CRLF2: variants seen among roughly 807,000 people sequenced by gnomAD.
The protein encoded by CRLF2 is cytokine receptor-like factor 2.
CRLF2 carries 41 observed loss-of-function variants against 38.7 expected under a neutral mutation model. That is an observed-to-expected ratio of 1.06 (90% CI 0.83 to 1.37). The LOEUF (loss-of-function observed/expected upper bound fraction) is 1.37. Ranked by LOEUF, CRLF2 falls within the 40% of genes most tolerant of loss-of-function variation. The probability of loss-of-function intolerance (pLI) is 0.00; values close to 1 mark genes in which losing one functional copy is unlikely to be tolerated. For synonymous variants in CRLF2, 140 were observed against 128.8 expected, an observed-to-expected ratio of 1.09 and a Z score of -0.59; for missense variants, 377 against 322.2, an observed-to-expected ratio of 1.17 and a Z score of -1.30.
At chrX:1,209,294 T>TGTAGTGTAGTGTAGTGTAG (rs2086749077) in intron 1 of CRLF2, among the ~76,000 whole-genome samples, 17 of 142,402 alleles carry the variant, frequency 1.2e-4, no homozygotes, top group African/African-American at 4.2e-4. Context: ...TTGCATTGTA[T>TGTAGTGTAGTGTAGTGTAG]TGTAGTGTAG....
chrX:1,192,503 C>G (rs2086402299), intron 7 of CRLF2, among the ~76,000 whole-genome samples: 2 of 151,910 alleles, frequency 1.3e-5, no homozygotes, highest in African/African-American at 4.8e-5. Flanking sequence ...GTCATCCCAG[C>G]TACTCAGGAG....
At chrX:1,195,981 TA>T (rs2086467904) in intron 6 of CRLF2, among the ~76,000 whole-genome samples, 1 of 139,266 alleles carries the variant, frequency 7.2e-6, no homozygotes, top group East Asian at 2.0e-4. Flanking sequence ...ATATTATATA[TA>T]TTTTTATATA....
At chrX:1,192,001 C>G (rs1390639890) in intron 7 of CRLF2, among the ~76,000 whole-genome samples, 2 of 145,914 alleles carry the variant, frequency 1.4e-5, no homozygotes, top group South Asian at 2.4e-4. Context: ...GTGAGGAGAT[C>G]GAGACCATCC....
chrX:1,204,738 G>A (rs2086663657), intron 3 of CRLF2, among the ~76,000 whole-genome samples: 1 of 151,152 alleles, frequency 6.6e-6, no homozygotes, highest in Non-Finnish European at 1.5e-5. Context: ...CGTTGGCAAG[G>A]CTGGTCTCGA....
At chrX:1,207,402 C>A (rs1254823518) in intron 2 of CRLF2, among the ~76,000 whole-genome samples, 16 of 151,528 alleles carry the variant, frequency 1.1e-4, no homozygotes, top group Non-Finnish European at 2.2e-4. Flanking sequence ...ATTACAGGCG[C>A]ACGCCCCCGC....
chrX:1,196,927 C>G (rs1217915755), intron 5 of CRLF2, 27 bp from the exon 6 acceptor site: 2 of 1,609,008 alleles, frequency 1.2e-6, no homozygotes. Flanking sequence ...AGGCGGCTGT[C>G]AGTTTTCAAC....
At chrX:1,207,507 C>A (rs868702434) in intron 2 of CRLF2, among the ~76,000 whole-genome samples, 10 of 120,148 alleles carry the variant, frequency 8.3e-5, no homozygotes, top group East Asian at 2.8e-4. Flanking sequence ...ATCCACCCCC[C>A]CCCCCCTCAG....
At chrX:1,204,628 TC>T (rs2086661766) in intron 3 of CRLF2, among the ~76,000 whole-genome samples, 1 of 143,238 alleles carries the variant, frequency 7.0e-6, no homozygotes, top group African/African-American at 2.6e-5. Context: ...TCAAGCAATT[TC>T]CCTGCCTCAG....
chrX:1,208,771 C>T (rs759362263), intron 2 of CRLF2, 35 bp downstream of exon 2: 1 of 1,275,274 alleles, frequency 7.8e-7, no homozygotes, highest in Non-Finnish European at 1.1e-6. Flanking sequence ...TTTGAGCCCC[C>T]TGGGCGTGGG....
chrX:1,191,306 T>C (rs1284021401), intron 7 of CRLF2, 146 bp from the exon 8 acceptor site: 6,842 of 208,628 alleles, frequency 0.033, 74 homozygotes, highest in Non-Finnish European at 0.045. Context: ...TCTTTCTTTC[T>C]TTCTTTCTTT....
At chrX:1,200,501 G>A (rs1265752470) in intron 4 of CRLF2, among the ~76,000 whole-genome samples, 1 of 151,094 alleles carries the variant, frequency 6.6e-6, no homozygotes, top group Non-Finnish European at 1.5e-5. Flanking sequence ...TATATAAGGT[G>A]CATATATACA....
intron 4 of CRLF2, among the ~76,000 whole-genome samples, chrX:1,201,991 T>TAGAG (rs745464861): frequency 0.32 from 46,498 of 143,656 alleles, 8,292 homozygotes; most frequent in East Asian, 0.49. Context: ...AAGACAGAGA[T>TAGAG]AGAGATAAAA....
At chrX:1,199,984 CGT>C (rs2086571069) in intron 4 of CRLF2, among the ~76,000 whole-genome samples, 1 of 147,066 alleles carries the variant, frequency 6.8e-6, no homozygotes, top group African/African-American at 2.5e-5. Flanking sequence ...TGTGTATATA[CGT>C]GTGTATATAT....
chrX:1,196,628 A>T, intron 6 of CRLF2, 152 bp downstream of exon 6: 1 of 1,041,204 alleles, frequency 9.6e-7, no homozygotes, highest in Non-Finnish European at 1.4e-6. Flanking sequence ...GCCCCTCCGA[A>T]ATTTCTTATA....
intron 1 of CRLF2, among the ~76,000 whole-genome samples, 193 bp from the exon 2 acceptor site, chrX:1,209,101 G>A (rs777421043): frequency 1.1e-4 from 16 of 151,406 alleles, no homozygotes; most frequent in African/African-American, 2.7e-4. Context: ...CCGAGTAGCC[G>A]GGATTACAGG....
chrX:1,191,077 C>T lies in CRLF2; in HGVS notation c.936G>A (p.Leu312=). ...AEQESGPEEP[L]VVQLAKTEAE... is the part of the protein sequence containing the mutation. ...CTTCAGTCTTGGCCAACTGGACTAC[C>T]AGGGGCTCCTCGGGGCCACTTTCTT... is the stretch of plus-strand genomic sequence containing the variant. The change falls in exon 8 of 8, where the codon CTG becomes CTA. Residue 312 remains leucine (L), a synonymous_variant. Transcript: ENST00000400841. The T allele has an allele frequency of 2.5e-6, 1 of 398,644 alleles. No homozygotes were observed. The highest frequency in any genetic ancestry group is 4.4e-6 in the Non-Finnish European group (1 of 226,118). 24.7% of individuals were successfully genotyped at this position (398,644 alleles called of 1,614,324 possible).
chrX:1,204,235 T>C (rs2086656062), intron 3 of CRLF2, among the ~76,000 whole-genome samples: 1 of 150,402 alleles, frequency 6.6e-6, no homozygotes, highest in Non-Finnish European at 1.5e-5. Context: ...ATTTAATGAA[T>C]TTATTTATTT....
intron 7 of CRLF2, 110 bp downstream of exon 7, chrX:1,193,108 C>T (rs1170473560): frequency 3.3e-5 from 13 of 395,300 alleles, no homozygotes; most frequent in Non-Finnish European, 4.9e-5. Context: ...CCACTGCGCC[C>T]GGCTGTTAAT....
chrX:1,204,311 C>G (rs1419448162), intron 3 of CRLF2, among the ~76,000 whole-genome samples: 3 of 152,214 alleles, frequency 2.0e-5, no homozygotes, highest in African/African-American at 7.2e-5. Flanking sequence ...TCACCACAAA[C>G]TCCGCCTCCC....
Sources: gnomAD v4.1 joint callset for allele counts (sites outside exome capture counted in the v4.1 genomes callset) on GRCh38, gnomAD v4.1.1 for gene constraint, MANE v1.5 for transcripts, NCBI Gene and HGNC (gene_info 2026-07-23, HGNC 2026-07-21) for gene names.